Variants in ARRB1 observed in about 807,000 individuals in gnomAD.
The protein encoded by ARRB1 is arrestin beta 1, also known as beta-arrestin-1.
In ARRB1, 21 loss-of-function variants were observed where a neutral mutation model predicts 56.8. The observed-to-expected ratio is 0.37, with a 90% confidence interval of 0.26 to 0.53. The LOEUF (loss-of-function observed/expected upper bound fraction) is 0.53. ARRB1 is among the 20% of genes least tolerant of loss of function. The probability of loss-of-function intolerance (pLI) is 0.88; values close to 1 mark genes in which losing one functional copy is unlikely to be tolerated. For missense variants in ARRB1, 424 were observed against 553.7 expected (o/e 0.77, Z 2.35); for synonymous variants, 210 against 218.6 (o/e 0.96, Z 0.35).
chr11:75,348,238 C>A lies in ARRB1; in HGVS notation c.20+3350G>T, dbSNP rs189652075. On this transcript the variant is annotated intron_variant, in intron 1 of 15. Coordinates refer to ENST00000420843, the MANE Select transcript of ARRB1 (RefSeq NM_004041.5). ...CTCCAAGCCACTGCACATTCTGCAC[C>A]CTTGGCCAGAAATATCATTCCCAAT... Among the ~76,000 whole-genome samples, 99 of 152,300 alleles carry A rather than the reference C, an allele frequency of 6.5e-4. 1 individual carries two copies. The highest frequency in any genetic ancestry group is 2.2e-3 in the African/African-American group (91 of 41,558).
intron 1 of ARRB1, among the ~76,000 whole-genome samples, chr11:75,343,964 C>A (rs539853436): frequency 6.6e-6 from 1 of 152,158 alleles, no homozygotes; most frequent in Non-Finnish European, 1.5e-5. Context: ...TACAGGCGCC[C>A]GCCACCACGC....
At position 75,287,336 on chromosome 11, in the gene ARRB1, T is replaced by C. The variant is rs1238855182; in HGVS notation, c.91A>G (p.Ile31Val). The C allele has an allele frequency of 1.3e-6, 2 of 1,559,300 alleles. No individual in the cohort carries two copies. Among genetic ancestry groups the C allele is most frequent in the Non-Finnish European group, 8.7e-7 (1 of 1,151,142 alleles). ...YLGKRDFVDHIDLVDPVDGVV... is the reference protein window; with the variant it reads ...YLGKRDFVDHVDLVDPVDGVV... The stretch of plus-strand genomic sequence containing the variant: ...TCACCCACAGGGTCCACGAGGTCGA[T>C]GTGGTCCACAAAGTCCCGCTTTCCC... The change falls in exon 3 of 16, where the codon ATC becomes GTC. Residue 31 changes from isoleucine to valine, a missense_variant. Ile to Val is a conservative substitution (Grantham distance 29). This residue lies in a region of ARRB1 where 301 missense variants were observed against 387.9 expected (regional missense o/e 0.78). Transcript: ENST00000420843.
chr11:75,276,106 A>G (rs1454081201), intron 10 of ARRB1, among the ~76,000 whole-genome samples: 1 of 152,204 alleles, frequency 6.6e-6, no homozygotes, highest in Non-Finnish European at 1.5e-5. Flanking sequence ...TTTTAAAAAT[A>G]TTTTCAGTTG....
intron 1 of ARRB1, among the ~76,000 whole-genome samples, chr11:75,308,344 C>T (rs1947076918): frequency 6.6e-6 from 1 of 152,214 alleles, no homozygotes; most frequent in Non-Finnish European, 1.5e-5. Flanking sequence ...GCCCCATGAC[C>T]AAGGCCCAAG....
intron 1 of ARRB1, among the ~76,000 whole-genome samples, chr11:75,347,169 G>A (rs1947782188): frequency 1.3e-5 from 2 of 152,266 alleles, no homozygotes; most frequent in African/African-American, 4.8e-5. Context: ...GCCCAAACTT[G>A]GAAGGAAGAG....
intron 1 of ARRB1, among the ~76,000 whole-genome samples, chr11:75,324,747 T>A (rs1236040227): frequency 2.0e-5 from 3 of 152,192 alleles, no homozygotes; most frequent in Non-Finnish European, 4.4e-5. Context: ...ACTTTGCCTG[T>A]TTGGTCCCCT....
In ARRB1 at chr11:75,315,421, T is replaced by C. The variant is rs995121363; in HGVS notation, c.21-25382A>G. Among the ~76,000 whole-genome samples the C allele has an allele frequency of 2.0e-5, 3 of 152,112 alleles. No homozygotes were observed. In the East Asian group the frequency reaches 5.8e-4, roughly 30 times the overall value. ...GCTTGCTCTAATCCCAGCAATTATA[T>C]TTACCCACAGAAACTGCGTGGGTAA... On this transcript the variant is annotated intron_variant, in intron 1 of 15. Coordinates refer to ENST00000420843, the MANE Select transcript of ARRB1 (RefSeq NM_004041.5).
intron 1 of ARRB1, among the ~76,000 whole-genome samples, chr11:75,318,402 C>T (rs1313961077): frequency 6.6e-6 from 1 of 152,030 alleles, no homozygotes; most frequent in African/African-American, 2.4e-5. Context: ...CAAAAGATCT[C>T]CCCATGGCTG....
At chr11:75,283,507 G>C (rs753541534) in intron 4 of ARRB1, 24 bp from the exon 5 acceptor site, 9 of 1,579,050 alleles carry the variant, frequency 5.7e-6, no homozygotes, top group Non-Finnish European at 6.0e-6. Flanking sequence ...GGAGCACTGA[G>C]GAGGGGCCTG....
At chr11:75,320,484 C>T (rs1313628263) in intron 1 of ARRB1, among the ~76,000 whole-genome samples, 1 of 152,188 alleles carries the variant, frequency 6.6e-6, no homozygotes, top group Non-Finnish European at 1.5e-5. Flanking sequence ...GGATGGTGGC[C>T]CTGAGGCTGG....
chr11:75,267,531 T>G (rs575592907), intron 15 of ARRB1, 121 bp downstream of exon 15: 60 of 1,022,080 alleles, frequency 5.9e-5, no homozygotes, highest in Non-Finnish European at 7.7e-5. Context: ...GAGGTGGCTC[T>G]CAGCAGACGG....
chr11:75,270,532 G>A (rs1466287662), intron 13 of ARRB1, among the ~76,000 whole-genome samples: 1 of 151,992 alleles, frequency 6.6e-6, no homozygotes, highest in Non-Finnish European at 1.5e-5. Context: ...GGAGGCTGAG[G>A]CAGAGAACTG....
chr11:75,294,293 C>T (rs973113166), intron 1 of ARRB1, among the ~76,000 whole-genome samples: 1 of 152,232 alleles, frequency 6.6e-6, no homozygotes, highest in African/African-American at 2.4e-5. Context: ...GTAATCCCAG[C>T]ACTTTGGGAT....
chr11:75,318,707 G>A (rs570949659), intron 1 of ARRB1, among the ~76,000 whole-genome samples: 2 of 151,846 alleles, frequency 1.3e-5, no homozygotes, highest in Non-Finnish European at 2.9e-5. Flanking sequence ...AAAAGCAAGA[G>A]AGATCCTCCC....
At chr11:75,345,279 C>A (rs1403432801) in intron 1 of ARRB1, among the ~76,000 whole-genome samples, 5 of 152,204 alleles carry the variant, frequency 3.3e-5, no homozygotes, top group African/African-American at 7.2e-5. Flanking sequence ...GGAGGCGCGT[C>A]TCCCGAGAGA....
chr11:75,293,944 T>C (rs1220134175), intron 1 of ARRB1, among the ~76,000 whole-genome samples: 3 of 152,194 alleles, frequency 2.0e-5, no homozygotes, highest in Admixed American at 2.0e-4. Context: ...TATCTCTACT[T>C]ACTCAAGGCT....
chr11:75,281,076 G>T lies in ARRB1; in HGVS notation c.481C>A (p.Arg161=). The T allele has an allele frequency of 6.2e-7, 1 of 1,601,100 alleles. No homozygotes were observed. The highest frequency in any genetic ancestry group is 1.7e-5 in the Admixed American group (1 of 58,342). Residue 161 remains arginine (R), a splice_region_variant and synonymous_variant, in exon 7 of 16, where the codon CGG becomes AGG. Transcript: ENST00000420843. ...CCCACACCCTGGCATCCTACTCACCGCTTGTGGATCTTCTCCTCCAAATTC... is the reference window on the plus strand; with the variant it reads ...CCCACACCCTGGCATCCTACTCACCTCTTGTGGATCTTCTCCTCCAAATTC... ...AENLEEKIHK[R]NSVRLVIRKV...
chr11:75,284,106 G>T lies in ARRB1; in HGVS notation c.157+129C>A, dbSNP rs973164902. 5.3e-6 allele frequency: 5 copies of T among 934,702 alleles called. No homozygotes were observed. In the Middle Eastern group the frequency reaches 1.0e-3, roughly 193 times the overall value. 57.9% of individuals were successfully genotyped at this position (934,702 alleles called of 1,614,324 possible). ...CCGTCCCAGGCTGGAGGAGGCAACG[G>T]CATCTGTAGAGGTATTTGTTGGGGC... is the stretch of plus-strand genomic sequence containing the variant. On this transcript the variant is annotated intron_variant, in intron 4 of 15. Coordinates refer to ENST00000420843, the MANE Select transcript of ARRB1 (RefSeq NM_004041.5).
chr11:75,270,019 G>C (rs1946040333), intron 13 of ARRB1, among the ~76,000 whole-genome samples: 1 of 152,386 alleles, frequency 6.6e-6, no homozygotes, highest in Non-Finnish European at 1.5e-5. Flanking sequence ...GAATGGAGTG[G>C]TCAGAGGCAC....
Sources: allele counts gnomAD v4.1 joint callset (sites outside exome capture counted in the v4.1 genomes callset), GRCh38; gene constraint gnomAD v4.1.1; regional missense constraint gnomAD v4.1.1; transcripts MANE v1.5; gene names NCBI Gene and HGNC (gene_info 2026-07-23, HGNC 2026-07-21).